The following CENPP variants were observed in gnomAD, a reference collection of about 807,000 sequenced individuals.
The protein encoded by CENPP is centromere protein P.
In CENPP, 24 loss-of-function variants were observed where a neutral mutation model predicts 35.6. That is an observed-to-expected ratio of 0.67 (90% CI 0.49 to 0.95). The LOEUF is 0.95. CENPP is among the 40% of genes least tolerant of loss of function. CENPP has a pLI of 0.00. For missense variants in CENPP, 332 were observed against 345.3 expected (o/e 0.96, Z 0.31); for synonymous variants, 120 against 125.5 (o/e 0.96, Z 0.29).
rs888395656 is a variant in CENPP at position 92,493,947 on chromosome 9, A to G, written c.564+114088A>G. 6.9e-5 allele frequency: 46 copies of G among 668,548 alleles called. No individual in the cohort carries two copies. The African/African-American group carries it at 7.5e-4, about 11-fold the overall frequency. The allele number at this position is 668,548 out of a possible 1,614,324, so 41.4% of individuals were successfully genotyped here. On this transcript the variant is annotated intron_variant, in intron 5 of 7. Coordinates refer to ENST00000375587, the MANE Select transcript of CENPP (RefSeq NM_001012267.3). The stretch of plus-strand genomic sequence containing the variant: ...CAGGCACCGGTCTGGATCTGCTGTT[A>G]ATCCAGGCCGTTGAGGGTGGCCGTA...
intron 5 of CENPP, chr9:92,535,803 C>T (rs78308189): frequency 3.3e-6 from 1 of 306,558 alleles, no homozygotes; most frequent in African/African-American, 2.3e-5. Flanking sequence ...ATAATGCATA[C>T]TTTGAACTTT....
intron 5 of CENPP, among the ~76,000 whole-genome samples, chr9:92,408,347 A>C (rs1843361617): frequency 6.6e-6 from 1 of 152,018 alleles, no homozygotes. Context: ...CACCACGCCC[A>C]GCTAATTTTT....
At chr9:92,341,225 A>G (rs1483689829) in intron 3 of CENPP, among the ~76,000 whole-genome samples, 4 of 152,208 alleles carry the variant, frequency 2.6e-5, no homozygotes, top group African/African-American at 7.2e-5. Flanking sequence ...GATGTTATCA[A>G]TGACAATGGT....
At chr9:92,552,015 AT>A (rs1238306619) in intron 5 of CENPP, among the ~76,000 whole-genome samples, 1 of 141,804 alleles carries the variant, frequency 7.1e-6, no homozygotes, top group East Asian at 2.0e-4. Flanking sequence ...TATATATATG[AT>A]ATGATAGATC....
intron 4 of CENPP, among the ~76,000 whole-genome samples, chr9:92,372,131 T>C (rs1435642849): frequency 9.5e-6 from 1 of 105,204 alleles, no homozygotes; most frequent in African/African-American, 3.7e-5. Context: ...TTTTTTTTTT[T>C]AACTGTTCTT....
At chr9:92,506,860 G>C (rs554226182) in intron 5 of CENPP, among the ~76,000 whole-genome samples, 1 of 152,144 alleles carries the variant, frequency 6.6e-6, no homozygotes, top group Non-Finnish European at 1.5e-5. Flanking sequence ...GAAGGTTGGT[G>C]CTCAGAGAGA....
At chr9:92,500,378 T>TA (rs1846597244) in intron 5 of CENPP, among the ~76,000 whole-genome samples, 1 of 152,222 alleles carries the variant, frequency 6.6e-6, no homozygotes, top group Admixed American at 6.5e-5. Context: ...AAACGAGGTT[T>TA]CACCATGTTG....
chr9:92,502,688 G>A lies in CENPP; in HGVS notation c.565-108626G>A, dbSNP rs765470067. 2.7e-6 allele frequency: 4 copies of A among 1,475,404 alleles called. No individual in the cohort carries two copies. The African/African-American group carries it at 5.7e-5, about 21-fold the overall frequency. 91.4% of individuals were successfully genotyped at this position (1,475,404 alleles called of 1,614,324 possible). On this transcript the variant is annotated intron_variant, in intron 5 of 7. Transcript: ENST00000375587. ...GAGAGAAGACTATTATTTTTCTTTT[G>A]TGTTAGTTGATACGTTCAATTTCAT...
intron 5 of CENPP, among the ~76,000 whole-genome samples, chr9:92,552,886 G>A (rs917637717): frequency 1.3e-5 from 2 of 151,586 alleles, no homozygotes; most frequent in African/African-American, 4.8e-5. Flanking sequence ...TTTGCTTTTG[G>A]GTTCTTGGTC....
chr9:92,533,027 G>A (rs758011626), intron 5 of CENPP, among the ~76,000 whole-genome samples: 2 of 151,820 alleles, frequency 1.3e-5, no homozygotes, highest in African/African-American at 2.4e-5. Flanking sequence ...GGCTGGGTGC[G>A]GTGGCTCAAG....
intron 5 of CENPP, chr9:92,494,232 A>G: frequency 7.0e-7 from 1 of 1,429,930 alleles, no homozygotes; most frequent in Non-Finnish European, 9.6e-7. Flanking sequence ...AGTTCTGCTG[A>G]CTCACCTTAT....
At chr9:92,440,780 C>T (rs1844366237) in intron 5 of CENPP, among the ~76,000 whole-genome samples, 1 of 152,194 alleles carries the variant, frequency 6.6e-6, no homozygotes, top group Non-Finnish European at 1.5e-5. Context: ...TTTTGACTGA[C>T]AACAATCAGG....
chr9:92,453,500 G>T lies in CENPP; in HGVS notation c.564+73641G>T, dbSNP rs1844778109. Among the ~76,000 whole-genome samples, 3 of 152,124 alleles carry T rather than the reference G, an allele frequency of 2.0e-5. No homozygotes were observed. In the South Asian group the frequency reaches 6.2e-4, roughly 32 times the overall value. On this transcript the variant is annotated intron_variant, in intron 5 of 7. Coordinates refer to ENST00000375587, the MANE Select transcript of CENPP (RefSeq NM_001012267.3). ...TAATTTCTGTTCTTTTACATTTGCT[G>T]AGGAGAGCTTCACTTCCAACTATAT...
chr9:92,361,701 C>T (rs1037256415), intron 4 of CENPP, among the ~76,000 whole-genome samples: 4 of 151,758 alleles, frequency 2.6e-5, no homozygotes, highest in Non-Finnish European at 5.9e-5. Flanking sequence ...AGGCTGGTCT[C>T]GAACTCCTGA....
chr9:92,438,956 A>G (rs1364272833), intron 5 of CENPP, among the ~76,000 whole-genome samples: 1 of 152,242 alleles, frequency 6.6e-6, no homozygotes. Flanking sequence ...ATCTCAGTCA[A>G]TCAATCGGTC....
At chr9:92,565,120 A>C (rs888747342) in intron 5 of CENPP, among the ~76,000 whole-genome samples, 1 of 151,906 alleles carries the variant, frequency 6.6e-6, no homozygotes. Context: ...CTCAACAACA[A>C]TTGCATTGGC....
intron 5 of CENPP, among the ~76,000 whole-genome samples, chr9:92,597,399 T>C (rs959982541): frequency 2.8e-4 from 43 of 152,320 alleles, no homozygotes; most frequent in African/African-American, 1.0e-3. Context: ...ATCTCCCTTA[T>C]TCTGTGAAAA....
chr9:92,463,641 T>A (rs1234448240), intron 5 of CENPP, among the ~76,000 whole-genome samples: 2 of 152,214 alleles, frequency 1.3e-5, no homozygotes, highest in African/African-American at 4.8e-5. Context: ...TTCCTTGTCT[T>A]CACTCTCCTT....
intron 4 of CENPP, among the ~76,000 whole-genome samples, chr9:92,372,523 TAC>T (rs1301224571): frequency 6.6e-6 from 1 of 152,226 alleles, no homozygotes; most frequent in Non-Finnish European, 1.5e-5. Flanking sequence ...ATGTTTTCTT[TAC>T]CAGTGAGTTT....
Sources: allele counts gnomAD v4.1 joint callset (sites outside exome capture counted in the v4.1 genomes callset), GRCh38; gene constraint gnomAD v4.1.1; transcripts MANE v1.5; gene names NCBI Gene and HGNC (gene_info 2026-07-23, HGNC 2026-07-21).